CLIC5: variants seen among roughly 807,000 people sequenced by gnomAD.
CLIC5 encodes CLIC family member 5.
A neutral mutation model predicts 24.7 loss-of-function variants in CLIC5; 20 were observed. That is an observed-to-expected ratio of 0.81 (90% CI 0.57 to 1.18). The LOEUF is 1.18. CLIC5 is among the 50% of genes most tolerant of loss of function. The pLI, the probability that CLIC5 is intolerant of heterozygous loss-of-function variation, is 0.00. For synonymous variants in CLIC5, 159 were observed against 135.6 expected, an observed-to-expected ratio of 1.17 and a Z score of -1.20; for missense variants, 341 against 326.1, an observed-to-expected ratio of 1.05 and a Z score of -0.35.
chr6:46,060,973 G>T (rs772673929), intron 1 of CLIC5, among the ~76,000 whole-genome samples: 12 of 152,106 alleles, frequency 7.9e-5, no homozygotes, highest in Non-Finnish European at 1.6e-4. Flanking sequence ...CTTATCTCTT[G>T]CAGTATCTGC....
At chr6:45,976,487 A>G (rs934827535) in intron 1 of CLIC5, among the ~76,000 whole-genome samples, 5 of 152,116 alleles carry the variant, frequency 3.3e-5, no homozygotes, top group Admixed American at 6.6e-5. Context: ...ATGCATTTCT[A>G]CTTTCAGAAA....
rs1005269211 is a variant in CLIC5 at position 46,000,309 on chromosome 6, T to C, written c.63+15171A>G. ...ACTGTATATATGTAAAACACACACA[T>C]ACTGTGTATGTCTGTGTAATAATAA... On this transcript the variant is annotated intron_variant, in intron 1 of 5. Coordinates refer to ENST00000339561, the MANE Select transcript of CLIC5 (RefSeq NM_016929.5). 4.6e-5 allele frequency among the ~76,000 whole-genome samples: 7 copies of C among 152,140 alleles called. No individual in the cohort carries two copies. The South Asian group carries it at 1.2e-3, about 27-fold the overall frequency.
the CLIC5 span, among the ~76,000 whole-genome samples, chr6:46,085,707 G>A: frequency 6.6e-6 from 1 of 152,156 alleles, no homozygotes; most frequent in Non-Finnish European, 1.5e-5. Flanking sequence ...TCCCAGTTAG[G>A]CTGCCCACTT....
chr6:46,121,013 T>A, the CLIC5 span, among the ~76,000 whole-genome samples: 1 of 152,074 alleles, frequency 6.6e-6, no homozygotes, highest in Non-Finnish European at 1.5e-5. Context: ...CTCTGCAGGA[T>A]ATTATCCAGG....
chr6:46,082,123 T>G (rs1268153163), upstream of CLIC5, among the ~76,000 whole-genome samples: 1 of 152,234 alleles, frequency 6.6e-6, no homozygotes, highest in East Asian at 1.9e-4. Flanking sequence ...CTTTTACTAC[T>G]AATGCAGTGT....
At chr6:46,040,640 ATGT>A (rs1767781430) in intron 1 of CLIC5, among the ~76,000 whole-genome samples, 1 of 151,892 alleles carries the variant, frequency 6.6e-6, no homozygotes, top group Admixed American at 6.6e-5. Context: ...GTTGGTAGTG[ATGT>A]TGATGTCGAC....
At chr6:45,951,969 A>C (rs762359735) in intron 2 of CLIC5, among the ~76,000 whole-genome samples, 3 of 152,192 alleles carry the variant, frequency 2.0e-5, no homozygotes, top group Non-Finnish European at 2.9e-5. Context: ...AATCTAATTT[A>C]CTTAGTCCCT....
At chr6:46,080,986 T>C (rs138395894), upstream of CLIC5, among the ~76,000 whole-genome samples, 280 of 152,254 alleles carry the variant, frequency 1.8e-3, no homozygotes, top group Admixed American at 3.5e-3. Flanking sequence ...CAACAAACAT[T>C]CACTAAAATC....
At chr6:46,100,842 C>T in the CLIC5 span, among the ~76,000 whole-genome samples, 20 of 152,204 alleles carry the variant, frequency 1.3e-4, no homozygotes, top group Admixed American at 2.0e-4. Flanking sequence ...ACAGAGGGAA[C>T]CACAGAGCGA....
At position 45,904,980 on chromosome 6, in the gene CLIC5, T is replaced by A. The variant is rs372318502; in HGVS notation, c.589-1725A>T. ...TTATAAGTGAGAACATGTAGTTTCATGTTTTCTGTTCTTGCATTAGTTTGC... is the reference window on the plus strand; with the variant it reads ...TTATAAGTGAGAACATGTAGTTTCAAGTTTTCTGTTCTTGCATTAGTTTGC... On this transcript the variant is annotated intron_variant, in intron 5 of 5. Coordinates refer to ENST00000339561, the MANE Select transcript of CLIC5 (RefSeq NM_016929.5). 9.2e-5 allele frequency among the ~76,000 whole-genome samples: 14 copies of A among 152,186 alleles called. No homozygotes were observed. The East Asian group carries it at 2.5e-3, about 27-fold the overall frequency.
chr6:46,010,462 A>C lies in CLIC5; in HGVS notation c.63+5018T>G, dbSNP rs560637648. On this transcript the variant is annotated intron_variant, in intron 1 of 5. Transcript: ENST00000339561. ...AACCCGAGCCTGACACCAAAGTTTC[A>C]CTCTTCCACCACATCTCTTGCCACC... is the stretch of plus-strand genomic sequence containing the variant. Among the ~76,000 whole-genome samples, 3 of 152,170 alleles carry C rather than the reference A, an allele frequency of 2.0e-5. No homozygotes were observed. The South Asian group carries it at 6.2e-4, about 32-fold the overall frequency.
intron 1 of CLIC5, among the ~76,000 whole-genome samples, chr6:45,958,790 T>A (rs756071020): frequency 2.6e-5 from 4 of 152,058 alleles, no homozygotes; most frequent in Non-Finnish European, 4.4e-5. Flanking sequence ...AAGTTTTATT[T>A]ACTTTGTCTT....
intron 1 of CLIC5, among the ~76,000 whole-genome samples, chr6:46,058,083 G>A (rs1768310723): frequency 6.6e-6 from 1 of 151,192 alleles, no homozygotes; most frequent in Admixed American, 6.6e-5. Context: ...GTATGTGTGT[G>A]TGTGTGTGTG....
At chr6:45,914,193 G>A (rs766125148) in intron 5 of CLIC5, 35 bp downstream of exon 5, 1 of 1,479,582 alleles carries the variant, frequency 6.8e-7, no homozygotes, top group Non-Finnish European at 9.1e-7. Flanking sequence ...GATGGAGCTG[G>A]ATCTTGCAGG....
intron 6 of CLIC5, among the ~76,000 whole-genome samples, chr6:45,884,818 T>C (rs1405583549): frequency 6.6e-6 from 1 of 151,952 alleles, no homozygotes; most frequent in Non-Finnish European, 1.5e-5. Context: ...GGCTAAACAA[T>C]GACAACAAAA....
chr6:46,017,988 T>G (rs567796876), upstream of CLIC5, among the ~76,000 whole-genome samples: 1 of 152,338 alleles, frequency 6.6e-6, no homozygotes, highest in Non-Finnish European at 1.5e-5. Flanking sequence ...TTCCTCCTGC[T>G]TGGCTTCAGG....
intron 1 of CLIC5, among the ~76,000 whole-genome samples, chr6:46,072,448 A>G (rs1336288308): frequency 6.6e-6 from 1 of 152,088 alleles, no homozygotes; most frequent in Non-Finnish European, 1.5e-5. Context: ...AGAAATGCAA[A>G]TCCAAGTTAT....
intron 1 of CLIC5, among the ~76,000 whole-genome samples, chr6:45,977,681 G>A (rs1383375159): frequency 1.3e-5 from 2 of 151,976 alleles, no homozygotes; most frequent in African/African-American, 4.8e-5. Context: ...CACCTCCTCT[G>A]ACTAGGCTCA....
At chr6:45,888,397 G>A (rs563800716) in intron 6 of CLIC5, among the ~76,000 whole-genome samples, 1 of 152,154 alleles carries the variant, frequency 6.6e-6, no homozygotes, top group Non-Finnish European at 1.5e-5. Context: ...GAGTTTCAGG[G>A]AAAGAGAGAT....
Sources: allele counts gnomAD v4.1 joint callset (sites outside exome capture counted in the v4.1 genomes callset), GRCh38; gene constraint gnomAD v4.1.1; transcripts MANE v1.5; gene names NCBI Gene and HGNC (gene_info 2026-07-23, HGNC 2026-07-21).